Variants in PPP1R1A observed in about 807,000 individuals in gnomAD.
PPP1R1A encodes protein phosphatase 1 regulatory inhibitor subunit 1A, also known as protein phosphatase 1 regulatory subunit 1A.
In PPP1R1A, 18 loss-of-function variants were observed where a neutral mutation model predicts 23.9. That is an observed-to-expected ratio of 0.75 (90% confidence interval 0.52 to 1.12). The LOEUF (loss-of-function observed/expected upper bound fraction) is 1.12. Among genes scored for constraint, PPP1R1A ranks in the 50% most tolerant of loss-of-function variants. The pLI, the probability that PPP1R1A is intolerant of heterozygous loss-of-function variation, is 0.00. For synonymous variants in PPP1R1A, 84 were observed against 80.7 expected, an observed-to-expected ratio of 1.04 and a Z score of -0.22; for missense variants, 207 against 223.8, an observed-to-expected ratio of 0.92 and a Z score of 0.48.
rs1957841733 is a variant in PPP1R1A at position 54,580,234 on chromosome 12, G to A, written c.*153C>T. 2 of 1,452,408 alleles carry A rather than the reference G, an allele frequency of 1.4e-6. No homozygotes were observed. The highest frequency in any genetic ancestry group is 1.8e-6 in the Non-Finnish European group (2 of 1,097,548). The allele number at this position is 1,452,408 out of a possible 1,614,324, so 90.0% of individuals were successfully genotyped here. ...AAGGCAGGGAGAAAGGATTCTCCCA[G>A]TTGGAAAAGAAGGAAAGTGCCAAGG... On this transcript the variant is annotated 3_prime_UTR_variant, in exon 7 of 7. Coordinates refer to ENST00000257905, the MANE Select transcript of PPP1R1A (RefSeq NM_006741.4).
In PPP1R1A at chr12:54,581,298, A is replaced by G. The variant is rs139831914; in HGVS notation, c.404-248T>C. On this transcript the variant is annotated intron_variant, in intron 5 of 6. Coordinates refer to ENST00000257905, the MANE Select transcript of PPP1R1A (RefSeq NM_006741.4). This position sits in a 1 kb window ranked among gnomAD's most constrained non-coding sequence, Gnocchi z 4.1. ...TCTACAGTTTAAAAAACAAAACTCA[A>G]TATGTGTCTAAACCTGACATGAACT... Among the ~76,000 whole-genome samples the G allele has an allele frequency of 8.7e-4, 132 of 152,334 alleles. No individual in the cohort carries two copies. Among genetic ancestry groups the G allele is most frequent in the Middle Eastern group, 6.8e-3 (2 of 294 alleles).
intron 1 of PPP1R1A, among the ~76,000 whole-genome samples, chr12:54,586,427 A>C (rs1345644294): frequency 2.6e-5 from 4 of 152,154 alleles, no homozygotes; most frequent in Admixed American, 2.0e-4. Context: ...GCATGTGATA[A>C]CTTCGCCTCG....
rs1306874349 is a variant in PPP1R1A at position 54,581,098 on chromosome 12, G to C, written c.404-48C>G. On this transcript the variant is annotated intron_variant, in intron 5 of 6. Coordinates refer to ENST00000257905, the MANE Select transcript of PPP1R1A (RefSeq NM_006741.4). This position sits in a 1 kb window ranked among gnomAD's most constrained non-coding sequence, Gnocchi z 4.1. ...GGAGGAAGAGGTGGCATTCATAAAG[G>C]TGTTGGGGAGGGAACTGCTTCTCCT... 1.4e-6 allele frequency: 2 copies of C among 1,426,656 alleles called. No individual in the cohort carries two copies. Among genetic ancestry groups the C allele is most frequent in the East Asian group, 2.3e-5 (1 of 44,010 alleles). The allele number at this position is 1,426,656 out of a possible 1,614,324, so 88.4% of individuals were successfully genotyped here. A position where few individuals can be genotyped will look rare whatever the true frequency, so the allele number is the denominator to read the frequency against.
chr12:54,581,076 G>A lies in PPP1R1A; in HGVS notation c.404-26C>T. The A allele has an allele frequency of 6.6e-7, 1 of 1,522,486 alleles. No homozygotes were observed. Among genetic ancestry groups the A allele is most frequent in the Admixed American group, 1.7e-5 (1 of 59,208 alleles). The allele number at this position is 1,522,486 out of a possible 1,614,324, so 94.3% of individuals were successfully genotyped here. A position where few individuals can be genotyped will look rare whatever the true frequency, so the allele number is the denominator to read the frequency against. On this transcript the variant is annotated intron_variant, in intron 5 of 6. Transcript: ENST00000257905. The surrounding 1 kb of genome is among the most constrained non-coding windows in gnomAD (Gnocchi z 4.1). The stretch of plus-strand genomic sequence containing the variant: ...CTGGGGAGGGAACATAGGGGTGGGA[G>A]GAAGAGGTGGCATTCATAAAGGTGT...
In PPP1R1A at chr12:54,582,787, C is replaced by T. The variant is rs771549937; in HGVS notation, c.192G>A (p.Leu64=). 11 of 1,613,466 alleles carry T rather than the reference C, an allele frequency of 6.8e-6. No individual in the cohort carries two copies. The highest frequency in any genetic ancestry group is 1.1e-5 in the South Asian group (1 of 91,056). Residue 64 remains leucine (L), a synonymous_variant, in exon 4 of 7, where the codon TTG becomes TTA. Coordinates refer to ENST00000257905, the MANE Select transcript of PPP1R1A (RefSeq NM_006741.4). ...RIPNPHLKST[L]AMSPRQRKKM... ...TCTTCCGTTGCCGTGGAGACATTGC[C>T]AAAGTGGACTGTGAAGGGCACAGAG... is the stretch of plus-strand genomic sequence containing the variant.
At chr12:54,586,845 C>T (rs945721419) in intron 1 of PPP1R1A, among the ~76,000 whole-genome samples, 3 of 152,170 alleles carry the variant, frequency 2.0e-5, no homozygotes, top group Non-Finnish European at 4.4e-5. Context: ...CGGGCCCTGT[C>T]TGTGCCAGTG....
intron 1 of PPP1R1A, among the ~76,000 whole-genome samples, chr12:54,585,765 GT>G (rs1957903918): frequency 6.7e-6 from 1 of 149,412 alleles, no homozygotes; most frequent in African/African-American, 2.5e-5. Flanking sequence ...AAGATGGGCT[GT>G]TTAAGCCTGA....
rs1477617152 is a variant in PPP1R1A at position 54,579,846 on chromosome 12, T to C, written c.*541A>G. Reference sequence around the variant, plus strand: ...GGTATCGGCACACCACCATACCCTCTTTCCCATGGGCCAAGTGCCATGGTG... The same window carrying C: ...GGTATCGGCACACCACCATACCCTCCTTCCCATGGGCCAAGTGCCATGGTG... On this transcript the variant is annotated 3_prime_UTR_variant, in exon 7 of 7. Coordinates refer to ENST00000257905, the MANE Select transcript of PPP1R1A (RefSeq NM_006741.4). 1.0e-6 allele frequency: 1 copy of C among 985,656 alleles called. No individual in the cohort carries two copies. The highest frequency in any genetic ancestry group is 6.1e-5 in the Admixed American group (1 of 16,296). The allele number at this position is 985,656 out of a possible 1,614,324, so 61.1% of individuals were successfully genotyped here.
chr12:54,588,472 CTGT>C lies in PPP1R1A; in HGVS notation c.14_16del (p.Asn5del). ...GACCGTGAACTGGATCTTTCGGGGG[CTGT>C]TGTCTTGCTCCATGGCTGGGGCGGC... On this transcript the variant is annotated inframe_deletion, in exon 1 of 7. Transcript: ENST00000257905. 1 of 1,462,870 alleles carries C rather than the reference CTGT, an allele frequency of 6.8e-7. No individual in the cohort carries two copies. Among genetic ancestry groups the C allele is most frequent in the South Asian group, 1.4e-5 (1 of 73,950 alleles). The allele number at this position is 1,462,870 out of a possible 1,614,324, so 90.6% of individuals were successfully genotyped here.
chr12:54,584,112 C>T (rs1247119294), intron 2 of PPP1R1A, 148 bp downstream of exon 2: 14 of 855,096 alleles, frequency 1.6e-5, no homozygotes, highest in Non-Finnish European at 2.3e-5. Context: ...GAATATTCTG[C>T]AATCTAGCCA....
At chr12:54,586,437 G>A (rs945608406) in intron 1 of PPP1R1A, among the ~76,000 whole-genome samples, 1 of 152,106 alleles carries the variant, frequency 6.6e-6, no homozygotes, top group Non-Finnish European at 1.5e-5. Flanking sequence ...ACTTCGCCTC[G>A]GATTTCTTTC....
intron 2 of PPP1R1A, among the ~76,000 whole-genome samples, chr12:54,583,685 A>T (rs1409396119): frequency 6.6e-6 from 1 of 152,154 alleles, no homozygotes; most frequent in Non-Finnish European, 1.5e-5. Flanking sequence ...CAGGGTCTGG[A>T]AGGTATAGCT....
rs1178256829 is a variant in PPP1R1A at position 54,588,518 on chromosome 12, TGCGGCGGGAGGGAAG to T, written c.-45_-31del. On this transcript the variant is annotated 5_prime_UTR_variant, in exon 1 of 7. Coordinates refer to ENST00000257905, the MANE Select transcript of PPP1R1A (RefSeq NM_006741.4). ...GGGGCGGCGGCCGGTGGGCCCGCGC[TGCGGCGGGAGGGAAG>T]GCGGCGGGACTCGGGGCTGGGGCGG... 71 of 1,303,020 alleles carry T rather than the reference TGCGGCGGGAGGGAAG, an allele frequency of 5.4e-5. No individual in the cohort carries two copies. The East Asian group carries it at 2.2e-3, about 40-fold the overall frequency. 80.7% of individuals were successfully genotyped at this position (1,303,020 alleles called of 1,614,324 possible).
chr12:54,583,163 G>C lies in PPP1R1A; in HGVS notation c.183+48C>G, dbSNP rs114865274. ...GGGTTTTAAGGAATAATCCCCTAAT[G>C]AATGTGGGGGTTTTTTGGGCTGGGC... On this transcript the variant is annotated intron_variant, in intron 3 of 6. Coordinates refer to ENST00000257905, the MANE Select transcript of PPP1R1A (RefSeq NM_006741.4). 3.3e-3 allele frequency: 5,071 copies of C among 1,529,458 alleles called. 140 individuals carry two copies. The African/African-American group carries it at 0.061, about 19-fold the overall frequency. The allele number at this position is 1,529,458 out of a possible 1,614,324, so 94.7% of individuals were successfully genotyped here.
chr12:54,584,944 G>C (rs897343597), intron 1 of PPP1R1A, among the ~76,000 whole-genome samples: 9 of 152,076 alleles, frequency 5.9e-5, no homozygotes, highest in African/African-American at 2.2e-4. Flanking sequence ...TTGATCTCTG[G>C]CTTGCTGTCC....
In PPP1R1A at chr12:54,587,537, C is replaced by T. The variant is rs907947348; in HGVS notation, c.84+868G>A. Among the ~76,000 whole-genome samples the T allele has an allele frequency of 3.9e-5, 6 of 152,238 alleles. 1 individual carries two copies. The highest frequency in any genetic ancestry group is 3.9e-4 in the Admixed American group (6 of 15,294). ...AGGCATACACTTGCTCACACACTCT[C>T]ATACACTGCCCCCTCTGCCAGGCTG... On this transcript the variant is annotated intron_variant, in intron 1 of 6. Transcript: ENST00000257905.
intron 3 of PPP1R1A, 24 bp from the exon 4 acceptor site, chr12:54,582,819 T>G (rs1004164967): frequency 6.2e-7 from 1 of 1,610,674 alleles, no homozygotes; most frequent in Non-Finnish European, 8.5e-7. Context: ...AGAGCACAGA[T>G]GGGCGCCAGC....
At chr12:54,587,897 C>G (rs1465288636) in intron 1 of PPP1R1A, among the ~76,000 whole-genome samples, 3 of 152,162 alleles carry the variant, frequency 2.0e-5, no homozygotes, top group Non-Finnish European at 4.4e-5. Context: ...CGGAGCCCAG[C>G]AAGGTGGCCC....
In PPP1R1A at chr12:54,588,444, C is replaced by T. The variant is rs940820725; in HGVS notation, c.45G>A (p.Pro15=). The change falls in exon 1 of 7, where the codon CCG becomes CCA. Residue 15 remains proline (P), a synonymous_variant. Coordinates refer to ENST00000257905, the MANE Select transcript of PPP1R1A (RefSeq NM_006741.4). ...NSPRKIQFTV[P]LLEPHLDPEA... ...CGGGGTCAAGGTGCGGCTCCAGCAG[C>T]GGGACCGTGAACTGGATCTTTCGGG... 1 of 1,495,784 alleles carries T rather than the reference C, an allele frequency of 6.7e-7. No homozygotes were observed. The highest frequency in any genetic ancestry group is 8.9e-7 in the Non-Finnish European group (1 of 1,117,856). The allele number at this position is 1,495,784 out of a possible 1,614,324, so 92.7% of individuals were successfully genotyped here.
Sources: gnomAD v4.1 joint callset for allele counts (sites outside exome capture counted in the v4.1 genomes callset) on GRCh38, gnomAD v4.1.1 for gene constraint, Gnocchi (gnomAD v3.1) non-coding constraint, MANE v1.5 for transcripts, NCBI Gene and HGNC (gene_info 2026-07-23, HGNC 2026-07-21) for gene names.